ADGRV1: variants seen among roughly 807,000 people sequenced by gnomAD.
The protein encoded by ADGRV1 is adhesion G protein-coupled receptor V1.
A neutral mutation model predicts 596.2 loss-of-function variants in ADGRV1; 359 were observed. That is an observed-to-expected ratio of 0.60 (90% confidence interval 0.55 to 0.66). The LOEUF (loss-of-function observed/expected upper bound fraction) is 0.66, where lower values mean the gene tolerates loss of function less well. Ranked by LOEUF, ADGRV1 falls within the 30% of genes least tolerant of loss-of-function variation. The pLI is 0.00. For missense variants in ADGRV1, 7,274 were observed against 7,575.6 expected (o/e 0.96, Z 1.48); for synonymous variants, 2,681 against 2,679.2 (o/e 1.00, Z -0.02).
chr5:90,614,675 C>G (rs199944277), intron 1 of ADGRV1, 160 bp from the exon 2 acceptor site: 116 of 688,864 alleles, frequency 1.7e-4, no homozygotes, highest in Non-Finnish European at 2.8e-4. Context: ...TAACTTCTGT[C>G]GTCACATATT....
rs1437340653 is a variant in ADGRV1, at chr5:90,690,019, G to T, written c.6649G>T (p.Ala2217Ser). 6.3e-7 allele frequency: 1 copy of T among 1,599,276 alleles called. No homozygotes were observed. The highest frequency in any genetic ancestry group is 8.5e-7 in the Non-Finnish European group (1 of 1,172,120). Residue 2217 changes from alanine to serine, a missense_variant, in exon 30 of 90, where the codon GCT becomes TCT. Coordinates refer to ENST00000405460, the MANE Select transcript of ADGRV1 (RefSeq NM_032119.4). ...AACAACAGGAGGAGCCAGACTAGGG[G>T]CTTTAACAGAGGCAGTCATTATTAT... ...NETTGGARLGALTEAVIIIEA... is the reference protein window; with the variant it reads ...NETTGGARLGSLTEAVIIIEA...
At chr5:90,962,118 A>G (rs1429639567) in intron 83 of ADGRV1, among the ~76,000 whole-genome samples, 1 of 152,224 alleles carries the variant, frequency 6.6e-6, no homozygotes, top group Non-Finnish European at 1.5e-5. Context: ...GGACCTTTAA[A>G]CATGTTAATT....
At chr5:90,692,457 T>A (rs921535281) in intron 31 of ADGRV1, 148 bp from the exon 32 acceptor site, 1 of 611,146 alleles carries the variant, frequency 1.6e-6, no homozygotes, top group Non-Finnish European at 2.8e-6. Flanking sequence ...TTTGTAAGTG[T>A]AATTGGGGAG....
In ADGRV1 at chr5:90,778,454, A is replaced by G; in HGVS notation, c.12694A>G (p.Lys4232Glu). 6.2e-7 allele frequency: 1 copy of G among 1,613,020 alleles called. No homozygotes were observed. The highest frequency in any genetic ancestry group is 1.1e-5 in the South Asian group (1 of 90,926). ...TTTGAACGATGACATTCCCGAGGAA[A>G]AAAGCTTCTATGAGTTTCAGCTCAC... ...QALNDDIPEE[K>E]SFYEFQLTAV... Residue 4232 changes from lysine to glutamate, a missense_variant, in exon 63 of 90, where the codon AAA (lysine) becomes GAA (glutamate). Lys to Glu is a moderately conservative substitution (Grantham distance 56, BLOSUM62 1). Coordinates refer to ENST00000405460, the MANE Select transcript of ADGRV1 (RefSeq NM_032119.4).
At chr5:90,977,613 CT>C (rs1216554857) in intron 84 of ADGRV1, among the ~76,000 whole-genome samples, 1 of 152,104 alleles carries the variant, frequency 6.6e-6, no homozygotes, top group African/African-American at 2.4e-5. Flanking sequence ...GAAATCATAA[CT>C]ATGGCCTATG....
At chr5:90,638,054 A>G (rs1396915108) in intron 11 of ADGRV1, 106 bp downstream of exon 11, 2 of 792,870 alleles carry the variant, frequency 2.5e-6, no homozygotes, top group African/African-American at 3.5e-5. Context: ...TAAAAAAAAA[A>G]GTCAAGTAAA....
intron 57 of ADGRV1, among the ~76,000 whole-genome samples, chr5:90,758,922 A>G (rs1466665387): frequency 1.3e-5 from 2 of 152,178 alleles, no homozygotes; most frequent in African/African-American, 4.8e-5. Context: ...ATTTGAAACC[A>G]ATGGGATTTA....
At chr5:91,046,275 A>G (rs746825951) in intron 85 of ADGRV1, among the ~76,000 whole-genome samples, 1 of 152,198 alleles carries the variant, frequency 6.6e-6, no homozygotes, top group African/African-American at 2.4e-5. Context: ...CTATGATATA[A>G]GGCCATTGTC....
intron 67 of ADGRV1, among the ~76,000 whole-genome samples, chr5:90,785,241 G>C (rs1389797928): frequency 1.3e-5 from 2 of 152,080 alleles, no homozygotes; most frequent in African/African-American, 2.4e-5. Context: ...TTACACCTTA[G>C]ACAAAAATTA....
In ADGRV1 at chr5:90,863,766, T is replaced by C; in HGVS notation, c.17765T>C (p.Leu5922Ser). ...SGFICISGLC[L>S]AVLSHIFCAR... Reference sequence around the variant, plus strand: ...TTTTTTGTTCCTACAGGTCTTTGCTTGGCTGTTCTTTCCCATATCTTCTGT... The same window carrying C: ...TTTTTTGTTCCTACAGGTCTTTGCTCGGCTGTTCTTTCCCATATCTTCTGT... The change falls in exon 83 of 90, where the codon TTG becomes TCG. Residue 5922 changes from leucine to serine, a missense_variant. This residue lies in a region of ADGRV1 where 1,874 missense variants were observed against 1,970.2 expected (regional missense o/e 0.95). Transcript: ENST00000405460. 6.2e-7 allele frequency: 1 copy of C among 1,612,768 alleles called. No individual in the cohort carries two copies. Among genetic ancestry groups the C allele is most frequent in the Non-Finnish European group, 8.5e-7 (1 of 1,178,872 alleles).
rs551072513 is a variant in ADGRV1, at chr5:91,027,565, C to G, written c.18152+42043C>G. On this transcript the variant is annotated intron_variant, in intron 85 of 89. Transcript: ENST00000405460. ...GAGGGCAGTCACTGAGGAGATGGCT[C>G]TGCTCTGTGCTGAAGGCAAACTGGA... is the stretch of plus-strand genomic sequence containing the variant. Among the ~76,000 whole-genome samples the G allele has an allele frequency of 2.6e-5, 4 of 152,282 alleles. No homozygotes were observed. The South Asian group carries it at 6.2e-4, about 24-fold the overall frequency.
At chr5:90,561,303 C>T (rs1026676935) in intron 1 of ADGRV1, among the ~76,000 whole-genome samples, 1 of 152,090 alleles carries the variant, frequency 6.6e-6, no homozygotes, top group South Asian at 2.1e-4. Flanking sequence ...TGGAGCCAAA[C>T]TAAACCAACC....
chr5:90,603,625 ACTT>A, intron 1 of ADGRV1, among the ~76,000 whole-genome samples: 1 of 152,144 alleles, frequency 6.6e-6, no homozygotes, highest in South Asian at 2.1e-4. Context: ...ACTTGTCTAA[ACTT>A]CTACAGCTGG....
At chr5:90,833,823 A>T (rs2150338896) in intron 77 of ADGRV1, among the ~76,000 whole-genome samples, 1 of 152,308 alleles carries the variant, frequency 6.6e-6, no homozygotes, top group Non-Finnish European at 1.5e-5. Flanking sequence ...CAAATACAAG[A>T]TCATATCATC....
Position 90,712,387 on chromosome 5 carries a change from C to A in ADGRV1, c.9143C>A (p.Thr3048Lys). 6.3e-7 allele frequency: 1 copy of A among 1,589,234 alleles called. No homozygotes were observed. The highest frequency in any genetic ancestry group is 8.6e-7 in the Non-Finnish European group (1 of 1,164,772). ...EGDEKFQLILTNPSPGLELGK... is the reference protein window; with the variant it reads ...EGDEKFQLILKNPSPGLELGK... ...GATGAAAAATTTCAGCTGATTTTAA[C>A]AAATCCTTCTCCTGGACTAGAGCTA... The change falls in exon 42 of 90, where the codon ACA becomes AAA. Residue 3048 changes from threonine to lysine, a missense_variant. Physicochemically the swap from Thr to Lys is moderately conservative, Grantham distance 78 (BLOSUM62 -1). Coordinates refer to ENST00000405460, the MANE Select transcript of ADGRV1 (RefSeq NM_032119.4).
At chr5:90,594,742 C>A (rs1293993073) in intron 1 of ADGRV1, among the ~76,000 whole-genome samples, 1 of 150,472 alleles carries the variant, frequency 6.6e-6, no homozygotes, top group Non-Finnish European at 1.5e-5. Context: ...TTGCACTGCC[C>A]TTAATCCATT....
intron 85 of ADGRV1, among the ~76,000 whole-genome samples, chr5:91,005,609 T>C (rs1323904247): frequency 6.6e-6 from 1 of 152,174 alleles, no homozygotes; most frequent in Non-Finnish European, 1.5e-5. Context: ...TCTCCTACTT[T>C]ATTATCCACA....
intron 68 of ADGRV1, 82 bp downstream of exon 68, chr5:90,788,392 T>G: frequency 3.1e-6 from 4 of 1,284,142 alleles, no homozygotes; most frequent in Non-Finnish European, 4.2e-6. Context: ...TGAAACTCTA[T>G]AAGCTTGTGA....
At chr5:91,030,932 G>A in intron 85 of ADGRV1, 2 of 785,052 alleles carry the variant, frequency 2.5e-6, no homozygotes, top group Non-Finnish European at 3.8e-6. Context: ...TGTGATCAGA[G>A]TCCATATAGT....
Sources: allele counts gnomAD v4.1 joint callset (sites outside exome capture counted in the v4.1 genomes callset), GRCh38; gene constraint gnomAD v4.1.1; regional missense constraint gnomAD v4.1.1; transcripts MANE v1.5; gene names NCBI Gene and HGNC (gene_info 2026-07-23, HGNC 2026-07-21).